LCOR: variants seen among roughly 807,000 people sequenced by gnomAD.
LCOR encodes the protein ligand-dependent corepressor.
Under a neutral mutation model 64.4 loss-of-function variants are expected in LCOR, and 14 were observed. The observed-to-expected ratio is 0.22, with a 90% confidence interval of 0.14 to 0.34. LCOR has a LOEUF of 0.34. LCOR is among the 10% of genes least tolerant of loss of function. The probability of loss-of-function intolerance (pLI) is 1.00; values close to 1 mark genes in which losing one functional copy is unlikely to be tolerated. For missense variants in LCOR, 1,686 were observed against 1,765.3 expected (o/e 0.96, Z 0.80); for synonymous variants, 643 against 642.5 (o/e 1.00, Z -0.01).
chr10:96,974,892 G>A (rs1181913283), intron 7 of LCOR, among the ~76,000 whole-genome samples: 1 of 152,190 alleles, frequency 6.6e-6, no homozygotes, highest in Admixed American at 6.5e-5. Flanking sequence ...CTATTGGCCG[G>A]GTGCTGTGGC....
At chr10:96,847,995 GTGTT>G (rs1375095412) in intron 2 of LCOR, among the ~76,000 whole-genome samples, 1 of 152,132 alleles carries the variant, frequency 6.6e-6, no homozygotes, top group Non-Finnish European at 1.5e-5. Flanking sequence ...TGGTTGAAAA[GTGTT>G]TGTATGTTAC....
chr10:96,924,275 T>C (rs2134478877), intron 4 of LCOR, among the ~76,000 whole-genome samples: 1 of 152,296 alleles, frequency 6.6e-6, no homozygotes, highest in Admixed American at 6.5e-5. Context: ...TGATCTCGGC[T>C]CGCTGCAGCT....
intron 4 of LCOR, among the ~76,000 whole-genome samples, chr10:96,935,139 CTTTTTTT>C (rs34176037): frequency 1.0e-3 from 66 of 65,552 alleles, no homozygotes; most frequent in East Asian, 2.8e-3. Context: ...GGCTATTTTA[CTTTTTTT>C]TTTTTTTTTT....
intron 4 of LCOR, among the ~76,000 whole-genome samples, chr10:96,934,207 T>A (rs1281188305): frequency 1.3e-5 from 2 of 152,214 alleles, no homozygotes; most frequent in East Asian, 3.8e-4. Context: ...CTAGGTAAGA[T>A]TACATATATT....
chr10:96,927,294 A>G (rs987423897), intron 4 of LCOR, among the ~76,000 whole-genome samples: 7 of 152,016 alleles, frequency 4.6e-5, no homozygotes, highest in Non-Finnish European at 1.0e-4. Context: ...CCATCTATAT[A>G]TTTTATGTGA....
At position 96,981,336 on chromosome 10, in the gene LCOR, C is replaced by G; in HGVS notation, c.876C>G (p.Thr292=). The change falls in exon 8 of 8, where the codon ACC becomes ACG. Residue 292 remains threonine (T), a synonymous_variant. Coordinates refer to ENST00000421806, the MANE Select transcript of LCOR (RefSeq NM_001346516.2). ...HHIPKILEGQ[T]TGQEQDTNVN... ...TCCCTAAAATCTTGGAGGGGCAGAC[C>G]ACTGGACAAGAGCAAGACACAAATG... 6.2e-7 allele frequency: 1 copy of G among 1,611,510 alleles called. No homozygotes were observed. Among genetic ancestry groups the G allele is most frequent in the Non-Finnish European group, 8.5e-7 (1 of 1,178,298 alleles).
intron 7 of LCOR, among the ~76,000 whole-genome samples, chr10:96,973,224 C>T (rs1286892183): frequency 6.6e-6 from 1 of 152,128 alleles, no homozygotes; most frequent in East Asian, 1.9e-4. Flanking sequence ...TTCACTTTTG[C>T]CTACCCTTTC....
intron 7 of LCOR, among the ~76,000 whole-genome samples, chr10:96,966,274 G>C (rs1474593860): frequency 1.5e-5 from 2 of 129,226 alleles, no homozygotes; most frequent in Non-Finnish European, 3.1e-5. Flanking sequence ...TGTCTCCCAG[G>C]TTGGAGTGCA....
In LCOR at chr10:96,952,147, A is replaced by G. The variant is rs146476222; in HGVS notation, c.283A>G (p.Ser95Gly). ...LSTKKSPCAG[S>G]TSLSHSPGCS... The stretch of plus-strand genomic sequence containing the variant: ...CACTAAGAAAAGTCCATGTGCTGGC[A>G]GCACTTCCCTGAGCCACTCTCCAGG... The change falls in exon 7 of 8, where the codon AGC becomes GGC. Residue 95 changes from serine to glycine, a missense_variant. By Grantham distance (56) the Ser-to-Gly change is moderately conservative. Around this residue, in one of 3 missense-constraint regions of LCOR, gnomAD observed 313 missense variants for 247.2 expected, o/e 1.27. Coordinates refer to ENST00000421806, the MANE Select transcript of LCOR (RefSeq NM_001346516.2). The G allele has an allele frequency of 2.4e-5, 38 of 1,614,122 alleles. No individual in the cohort carries two copies. Among genetic ancestry groups the G allele is most frequent in the African/African-American group, 5.3e-5 (4 of 75,044 alleles).
rs1848156873 is a variant in LCOR at position 96,987,321 on chromosome 10, T to A, written c.*2187T>A. ...TGTTTGCCAATGTCAGGCATGCTGATTCCTGTACAGAAGAGGTGCCCCGTT... is the reference window on the plus strand; with the variant it reads ...TGTTTGCCAATGTCAGGCATGCTGAATCCTGTACAGAAGAGGTGCCCCGTT... On this transcript the variant is annotated 3_prime_UTR_variant, in exon 8 of 8. Transcript: ENST00000421806. 6.6e-6 allele frequency: 1 copy of A among 152,218 alleles called. No homozygotes were observed. The highest frequency in any genetic ancestry group is 2.1e-4 in the South Asian group (1 of 4,826). The allele number at this position is 152,218 out of a possible 1,614,324, so 9.4% of individuals were successfully genotyped here. A position where few individuals can be genotyped will look rare whatever the true frequency, so the allele number is the denominator to read the frequency against.
In LCOR at chr10:96,985,029, A is replaced by T. The variant is rs1414761062; in HGVS notation, c.4569A>T (p.Arg1523Ser). 6.2e-7 allele frequency: 1 copy of T among 1,614,212 alleles called. No homozygotes were observed. The highest frequency in any genetic ancestry group is 2.2e-5 in the East Asian group (1 of 44,880). ...AGAGTAGTGGAAAGACTCGGGCCAG[A>T]CCCTCAACGAAAACCCCAGAGAGCA... ...RKQSSGKTRA[R>S]PSTKTPESSA... is the part of the protein sequence containing the mutation. Residue 1523 changes from arginine (R) to serine (S), a missense_variant, in exon 8 of 8, where the codon AGA (arginine) becomes AGT (serine). Coordinates refer to ENST00000421806, the MANE Select transcript of LCOR (RefSeq NM_001346516.2).
At chr10:96,946,003 A>G (rs993325116) in intron 5 of LCOR, among the ~76,000 whole-genome samples, 1 of 151,720 alleles carries the variant, frequency 6.6e-6, no homozygotes, top group Non-Finnish European at 1.5e-5. Flanking sequence ...TGGTCTTAGG[A>G]TAGATTTCAA....
rs367551991 is a variant in LCOR at position 96,962,144 on chromosome 10, A to G, written c.332+9948A>G. The G allele has an allele frequency of 3.3e-5, 5 of 152,250 alleles. No individual in the cohort carries two copies. The East Asian group carries it at 7.7e-4, about 23-fold the overall frequency. 9.4% of individuals were successfully genotyped at this position (152,250 alleles called of 1,614,324 possible). Reference sequence around the variant, plus strand: ...TTATATAAATAATTCTTATTTTAAAAAAGACAATAACATTTTGTACCTTTC... The same window carrying G: ...TTATATAAATAATTCTTATTTTAAAGAAGACAATAACATTTTGTACCTTTC... On this transcript the variant is annotated intron_variant, in intron 7 of 7. Transcript: ENST00000421806.
chr10:96,916,333 C>T (rs946543953), intron 4 of LCOR, among the ~76,000 whole-genome samples: 1 of 151,552 alleles, frequency 6.6e-6, no homozygotes, highest in Non-Finnish European at 1.5e-5. Context: ...ACCCGGCCCC[C>T]TTGAAAGTTT....
intron 2 of LCOR, among the ~76,000 whole-genome samples, chr10:96,857,088 GTA>G (rs966994434): frequency 6.9e-6 from 1 of 145,638 alleles, no homozygotes; most frequent in Non-Finnish European, 1.5e-5. Flanking sequence ...ATATATATAT[GTA>G]TATATATGTG....
chr10:96,847,563 T>G (rs1382156982), intron 2 of LCOR, among the ~76,000 whole-genome samples: 1 of 152,116 alleles, frequency 6.6e-6, no homozygotes, highest in Non-Finnish European at 1.5e-5. Context: ...TGCGTCAGAC[T>G]CCCGAGTAGC....
intron 4 of LCOR, among the ~76,000 whole-genome samples, chr10:96,939,134 C>T (rs890477038): frequency 1.3e-5 from 2 of 152,220 alleles, no homozygotes; most frequent in Non-Finnish European, 2.9e-5. Context: ...CGTTGGTCAG[C>T]TTAATGTGAT....
chr10:96,893,261 T>C (rs1846476673), intron 2 of LCOR, among the ~76,000 whole-genome samples: 1 of 152,204 alleles, frequency 6.6e-6, no homozygotes, highest in Non-Finnish European at 1.5e-5. Flanking sequence ...GTTATAATTA[T>C]TGTTGTATGT....
intron 2 of LCOR, among the ~76,000 whole-genome samples, chr10:96,880,443 G>A (rs189449583): frequency 3.0e-3 from 461 of 152,222 alleles, no homozygotes; most frequent in Non-Finnish European, 5.2e-3. Flanking sequence ...TGTCATCCAG[G>A]CTGGAGTGCA....
Sources: gnomAD v4.1 joint callset for allele counts (sites outside exome capture counted in the v4.1 genomes callset) on GRCh38, gnomAD v4.1.1 for gene constraint, gnomAD v4.1.1 regional missense constraint, MANE v1.5 for transcripts, NCBI Gene and HGNC (gene_info 2026-07-23, HGNC 2026-07-21) for gene names.